Variants in LEMD2 observed in about 807,000 individuals in gnomAD.
LEMD2 encodes LEM domain-containing protein 2.
LEMD2 carries 34 observed loss-of-function variants against 58.8 expected under a neutral mutation model. That is an observed-to-expected ratio of 0.58 (90% CI 0.44 to 0.77). LEMD2 has a LOEUF of 0.77. Among genes scored for constraint, LEMD2 ranks in the 30% least tolerant of loss-of-function variants. LEMD2 has a pLI of 0.00. For missense variants in LEMD2, 629 were observed against 717.9 expected (o/e 0.88, Z 1.42); for synonymous variants, 298 against 308.9 (o/e 0.96, Z 0.37).
intron 1 of LEMD2, 22 bp from the exon 2 acceptor site, chr6:33,786,796 CAG>C (rs757875864): frequency 6.2e-7 from 1 of 1,613,250 alleles, no homozygotes; most frequent in Non-Finnish European, 8.5e-7. Flanking sequence ...AAAAGAAACA[CAG>C]AGGAAATTAA....
rs1031559091 is a variant in LEMD2 at position 33,786,840 on chromosome 6, C to T, written c.737-66G>A. On this transcript the variant is annotated intron_variant, in intron 1 of 8. Transcript: ENST00000293760. ...GTTGAGAAAGGAATACAAAAAGAGA[C>T]TACTCACAACATTTGGAGGGAGTAA... 8 of 1,601,026 alleles carry T rather than the reference C, an allele frequency of 5.0e-6. No individual in the cohort carries two copies. In the African/African-American group the frequency reaches 5.4e-5, roughly 11 times the overall value.
chr6:33,780,123 G>C lies in LEMD2; in HGVS notation c.987C>G (p.Ser329Arg). The C allele has an allele frequency of 1.9e-6, 3 of 1,594,992 alleles. No individual in the cohort carries two copies. In the East Asian group the frequency reaches 6.8e-5, roughly 36 times the overall value. Residue 329 changes from serine to arginine, a missense_variant, in exon 5 of 9, where the codon AGC (serine) becomes AGG (arginine). Physicochemically the swap from Ser to Arg is moderately radical, Grantham distance 110. This residue lies in a region of LEMD2 where 243 missense variants were observed against 336.8 expected (regional missense o/e 0.72). Coordinates refer to ENST00000293760, the MANE Select transcript of LEMD2 (RefSeq NM_181336.4). ...ACCAGATGCCCACGTCCTTGTTACTGCTCAGTATCCAGGTCAGTGCGGCTT... is the reference window on the plus strand; with the variant it reads ...ACCAGATGCCCACGTCCTTGTTACTCCTCAGTATCCAGGTCAGTGCGGCTT... Reference protein sequence around the residue: ...KFEAALTWILSSNKDVGIWLK... With the variant: ...KFEAALTWILRSNKDVGIWLK...
Position 33,788,480 on chromosome 6 carries a change from G to A in LEMD2, c.637C>T (p.Leu213Phe), listed in dbSNP as rs762148607. The A allele has an allele frequency of 1.1e-5, 17 of 1,553,738 alleles. No individual in the cohort carries two copies. The East Asian group carries it at 3.7e-4, about 34-fold the overall frequency. ...GRRLERWLSR[L>F]LLWASLGLLL... ...AGCCCTAGGCTGGCCCAGAGCAGAAGCCGAGAGAGCCAGCGCTCCAGCCGG... is the reference window on the plus strand; with the variant it reads ...AGCCCTAGGCTGGCCCAGAGCAGAAACCGAGAGAGCCAGCGCTCCAGCCGG... Residue 213 changes from leucine (L) to phenylalanine (F), a missense_variant, in exon 1 of 9, where the codon CTT (leucine) becomes TTT (phenylalanine). Physicochemically the swap from Leu to Phe is conservative, Grantham distance 22. This residue lies in a region of LEMD2 where 386 missense variants were observed against 381.1 expected (regional missense o/e 1.01). Coordinates refer to ENST00000293760, the MANE Select transcript of LEMD2 (RefSeq NM_181336.4).
chr6:33,784,417 G>A lies in LEMD2; in HGVS notation c.788C>T (p.Ala263Val). The change falls in exon 3 of 9, where the codon GCC (alanine) becomes GTC (valine). Residue 263 changes from alanine to valine, a missense_variant. Transcript: ENST00000293760. Reference sequence around the variant, plus strand: ...CTCCAGCAAGGCTGCCTTCTGCTTGGCCTGACAGAACTGGAAAGGCACGGG... The same window carrying A: ...CTCCAGCAAGGCTGCCTTCTGCTTGACCTGACAGAACTGGAAAGGCACGGG... Reference protein sequence around the residue: ...CERKTDEFCQAKQKAALLELL... With the variant: ...CERKTDEFCQVKQKAALLELL... 1 of 1,334,338 alleles carries A rather than the reference G, an allele frequency of 7.5e-7. No homozygotes were observed. The highest frequency in any genetic ancestry group is 9.8e-7 in the Non-Finnish European group (1 of 1,015,354). The allele number at this position is 1,334,338 out of a possible 1,614,324, so 82.7% of individuals were successfully genotyped here.
Position 33,788,544 on chromosome 6 carries a change from G to T in LEMD2, c.573C>A (p.Gly191=). The T allele has an allele frequency of 6.8e-7, 1 of 1,461,006 alleles. No individual in the cohort carries two copies. 90.5% of individuals were successfully genotyped at this position (1,461,006 alleles called of 1,614,324 possible). A position where few individuals can be genotyped will look rare whatever the true frequency, so the allele number is the denominator to read the frequency against. The change falls in exon 1 of 9, where the codon GGC becomes GGA. Residue 191 remains glycine (G), a synonymous_variant. Coordinates refer to ENST00000293760, the MANE Select transcript of LEMD2 (RefSeq NM_181336.4). ...GCCGGGCCCTCGCCGCGCCAGCAGG[G>T]CCCGCTCGAGTCGCCCGCAGGCCCG... ...PRPGLRATRA[G]PAGAARARPE...
chr6:33,778,435 A>G lies in LEMD2; in HGVS notation c.1011-48T>C, dbSNP rs1242613887. The G allele has an allele frequency of 4.3e-6, 6 of 1,410,534 alleles. No homozygotes were observed. The highest frequency in any genetic ancestry group is 9.4e-7 in the Non-Finnish European group (1 of 1,067,294). The allele number at this position is 1,410,534 out of a possible 1,614,324, so 87.4% of individuals were successfully genotyped here. On this transcript the variant is annotated intron_variant, in intron 5 of 8. Coordinates refer to ENST00000293760, the MANE Select transcript of LEMD2 (RefSeq NM_181336.4). The surrounding 1 kb of genome is among the most constrained non-coding windows in gnomAD (Gnocchi z 4.7). ...GAACATGTTGGAAAGCTCCAAGGAG[A>G]GGCAGTGCAAGCCCCACTTCAAACA...
chr6:33,780,237 T>C, intron 4 of LEMD2, 58 bp from the exon 5 acceptor site: 1 of 1,403,008 alleles, frequency 7.1e-7, no homozygotes. Flanking sequence ...GCTGGAACAT[T>C]ATTCTGCTGC....
intron 8 of LEMD2, among the ~76,000 whole-genome samples, chr6:33,775,615 T>TA (rs1466827856): frequency 1.3e-5 from 2 of 152,170 alleles, no homozygotes; most frequent in African/African-American, 2.4e-5. Flanking sequence ...GTGCCTGACT[T>TA]AAAGTGGACT....
intron 8 of LEMD2, among the ~76,000 whole-genome samples, chr6:33,773,014 C>T (rs1429477978): frequency 6.6e-6 from 1 of 152,178 alleles, no homozygotes; most frequent in Non-Finnish European, 1.5e-5. Context: ...GCTAAAGGGC[C>T]GAGGTGTCTG....
At position 33,772,412 on chromosome 6, in the gene LEMD2, T is replaced by A; in HGVS notation, c.*216A>T. 2.0e-6 allele frequency: 1 copy of A among 492,474 alleles called. No homozygotes were observed. Among genetic ancestry groups the A allele is most frequent in the East Asian group, 3.5e-5 (1 of 28,402 alleles). The allele number at this position is 492,474 out of a possible 1,614,324, so 30.5% of individuals were successfully genotyped here. Reference sequence around the variant, plus strand: ...GCACAACAGGGCAGAGTCTGGGCTATCACCCTGGCTTCTCCCCCTCCCTTT... The same window carrying A: ...GCACAACAGGGCAGAGTCTGGGCTAACACCCTGGCTTCTCCCCCTCCCTTT... On this transcript the variant is annotated 3_prime_UTR_variant, in exon 9 of 9. Transcript: ENST00000293760.
At chr6:33,779,958 T>C in intron 5 of LEMD2, 142 bp downstream of exon 5, 1 of 691,520 alleles carries the variant, frequency 1.4e-6, no homozygotes. Flanking sequence ...CCCACTTCCA[T>C]CCTAACCCAC....
In LEMD2 at chr6:33,772,762, C is replaced by A. The variant is rs1367429342; in HGVS notation, c.1378G>T (p.Val460Phe). 2.5e-6 allele frequency: 4 copies of A among 1,613,666 alleles called. No homozygotes were observed. Among genetic ancestry groups the A allele is most frequent in the Non-Finnish European group, 3.4e-6 (4 of 1,179,890 alleles). ...PPQSRRRMKR[V>F]WDRAVEFLAS... Reference sequence around the variant, plus strand: ...AGGAACTCCACAGCTCGGTCCCAGACACGCTTCATGCGCCTCCTGCAATGA... The same window carrying A: ...AGGAACTCCACAGCTCGGTCCCAGAAACGCTTCATGCGCCTCCTGCAATGA... The change falls in exon 9 of 9, where the codon GTC becomes TTC. Residue 460 changes from valine to phenylalanine, a missense_variant. Around this residue, in one of 2 missense-constraint regions of LEMD2, gnomAD observed 243 missense variants for 336.8 expected, o/e 0.72. Transcript: ENST00000293760.
At chr6:33,788,288 G>C in intron 1 of LEMD2, 93 bp downstream of exon 1, 1 of 1,305,228 alleles carries the variant, frequency 7.7e-7, no homozygotes, top group Non-Finnish European at 1.0e-6. Context: ...TGACAAGGCC[G>C]GAAGTGCGCG....
chr6:33,776,864 C>A (rs1279112439), intron 8 of LEMD2, 90 bp downstream of exon 8: 8 of 1,057,944 alleles, frequency 7.6e-6, no homozygotes, highest in Non-Finnish European at 1.0e-5. Flanking sequence ...CAGCTGACAT[C>A]TGATGCAAGG....
rs138732144 is a variant in LEMD2, at chr6:33,786,958, C to T, written c.737-184G>A. ...CAGCAAAATGTAAGGGTATCCAAATCCTGGATTAGGAATTACGATAGCTGG... is the reference window on the plus strand; with the variant it reads ...CAGCAAAATGTAAGGGTATCCAAATTCTGGATTAGGAATTACGATAGCTGG... On this transcript the variant is annotated intron_variant, in intron 1 of 8. Transcript: ENST00000293760. The T allele has an allele frequency of 2.6e-3, 3,468 of 1,359,522 alleles. 12 individuals are homozygous for T. Among genetic ancestry groups the T allele is most frequent in the Admixed American group, 4.6e-3 (140 of 30,308 alleles). The allele number at this position is 1,359,522 out of a possible 1,614,324, so 84.2% of individuals were successfully genotyped here. A position where few individuals can be genotyped will look rare whatever the true frequency, so the allele number is the denominator to read the frequency against.
chr6:33,784,476 G>GGGGGA, intron 2 of LEMD2, 49 bp from the exon 3 acceptor site: 1 of 410,650 alleles, frequency 2.4e-6, no homozygotes, highest in Non-Finnish European at 5.0e-6. Context: ...GGGTGGGAGG[G>GGGGGA]GTCCGTCTGT....
intron 8 of LEMD2, among the ~76,000 whole-genome samples, chr6:33,775,550 A>G (rs1392585596): frequency 6.6e-6 from 1 of 152,170 alleles, no homozygotes; most frequent in Non-Finnish European, 1.5e-5. Context: ...CATGGGCTCA[A>G]GCAATCCTCC....
intron 5 of LEMD2, chr6:33,779,566 G>A (rs111441255): frequency 0.021 from 3,182 of 152,566 alleles, 66 homozygotes; most frequent in South Asian, 0.058. Context: ...GGGCTGAGCC[G>A]CCAGATACAG....
At chr6:33,784,089 A>T (rs556974580) in intron 3 of LEMD2, among the ~76,000 whole-genome samples, 66 of 152,384 alleles carry the variant, frequency 4.3e-4, no homozygotes, top group Admixed American at 5.2e-4. Flanking sequence ...AAGGAAGAAC[A>T]GCTGCAGGAA....
Sources: gnomAD v4.1 joint callset for allele counts (sites outside exome capture counted in the v4.1 genomes callset) on GRCh38, gnomAD v4.1.1 for gene constraint, gnomAD v4.1.1 regional missense constraint, Gnocchi (gnomAD v3.1) non-coding constraint, MANE v1.5 for transcripts, NCBI Gene and HGNC (gene_info 2026-07-23, HGNC 2026-07-21) for gene names.